ZCWPW1: variants seen among roughly 807,000 people sequenced by gnomAD.
ZCWPW1 encodes zinc finger CW-type PWWP domain protein 1.
In ZCWPW1, 56 loss-of-function variants were observed where a neutral mutation model predicts 81.3. The ratio of observed to expected loss-of-function variants is 0.69; its 90% CI spans 0.56 to 0.86. The LOEUF is 0.86. Among genes scored for constraint, ZCWPW1 ranks in the 40% least tolerant of loss-of-function variants. ZCWPW1 has a pLI of 0.00. For missense variants in ZCWPW1, 650 were observed against 769.8 expected (o/e 0.84, Z 1.84); for synonymous variants, 250 against 273.7 (o/e 0.91, Z 0.86).
In ZCWPW1 at chr7:100,407,275, C is replaced by T; in HGVS notation, c.1021G>A (p.Asp341Asn). Reference protein sequence around the residue: ...WWPGMIESDPDLGEYFLFTSH... With the variant: ...WWPGMIESDPNLGEYFLFTSH... ...GTAAAAAGAAAATATTCCCCTAAGT[C>T]AGGATCAGATTCTATCATGCCTGGC... Residue 341 changes from aspartate to asparagine, a missense_variant, in exon 11 of 18, where the codon GAC becomes AAC. Transcript: ENST00000684423. 6.2e-7 allele frequency: 1 copy of T among 1,613,908 alleles called. No homozygotes were observed. The highest frequency in any genetic ancestry group is 1.1e-5 in the South Asian group (1 of 91,042).
chr7:100,416,657 T>C (rs989935778), intron 6 of ZCWPW1, among the ~76,000 whole-genome samples: 1 of 152,036 alleles, frequency 6.6e-6, no homozygotes, highest in Non-Finnish European at 1.5e-5. Context: ...TATAGAAATA[T>C]GATAAATGGG....
At position 100,419,797 on chromosome 7, in the gene ZCWPW1, C is replaced by G; in HGVS notation, c.115G>C (p.Glu39Gln). The change falls in exon 4 of 18, where the codon GAG (glutamate) becomes CAG (glutamine). Residue 39 changes from glutamate to glutamine, a missense_variant. Coordinates refer to ENST00000684423, the MANE Select transcript of ZCWPW1 (RefSeq NM_001386010.1). ...GGGGAACTGATCCCCGGGGTCTCCT[C>G]CTTAGGGGAGTTAGGGCTACAAGGT... ...LLPCSPNSPK[E>Q]ETPGISSPET... 1.2e-6 allele frequency: 2 copies of G among 1,613,732 alleles called. No individual in the cohort carries two copies. Among genetic ancestry groups the G allele is most frequent in the Non-Finnish European group, 1.7e-6 (2 of 1,179,908 alleles).
chr7:100,420,900 G>C (rs1019495942), intron 2 of ZCWPW1, among the ~76,000 whole-genome samples: 9 of 152,106 alleles, frequency 5.9e-5, no homozygotes, highest in African/African-American at 9.7e-5. Flanking sequence ...CTGTAATCCT[G>C]GCACTTTGGG....
intron 8 of ZCWPW1, among the ~76,000 whole-genome samples, chr7:100,414,822 C>T (rs185299611): frequency 6.6e-6 from 1 of 152,054 alleles, no homozygotes; most frequent in African/African-American, 2.4e-5. Flanking sequence ...GTCAAGAGAT[C>T]GAGACTATCC....
Position 100,401,462 on chromosome 7 carries a change from G to A in ZCWPW1, c.1628-126C>T, listed in dbSNP as rs993429372. ...AAAAGATGACCTTTCTCAATACAAA[G>A]AATATGGACTTTGGGATCAGAAAGA... On this transcript the variant is annotated intron_variant, in intron 17 of 17. Coordinates refer to ENST00000684423, the MANE Select transcript of ZCWPW1 (RefSeq NM_001386010.1). 5 of 905,318 alleles carry A rather than the reference G, an allele frequency of 5.5e-6. No homozygotes were observed. The African/African-American group carries it at 8.4e-5, about 15-fold the overall frequency. 56.1% of individuals were successfully genotyped at this position (905,318 alleles called of 1,614,324 possible). A position where few individuals can be genotyped will look rare whatever the true frequency, so the allele number is the denominator to read the frequency against.
intron 13 of ZCWPW1, 40 bp downstream of exon 13, chr7:100,404,973 A>G (rs1355594340): frequency 1.9e-6 from 3 of 1,580,776 alleles, no homozygotes; most frequent in South Asian, 1.1e-5. Flanking sequence ...CTTGTCCAAG[A>G]GTAGGGAAAG....
chr7:100,402,394 G>A (rs1464808053), intron 16 of ZCWPW1, 122 bp downstream of exon 16: 1 of 1,082,128 alleles, frequency 9.2e-7, no homozygotes, highest in East Asian at 2.4e-5. Context: ...GGTGAGTGTT[G>A]CCTGTTTTCT....
rs1464458468 is a variant in ZCWPW1, at chr7:100,407,269, C to T, written c.1027G>A (p.Gly343Arg). Residue 343 changes from glycine to arginine, a missense_variant, in exon 11 of 18, where the codon GGG (glycine) becomes AGG (arginine). Coordinates refer to ENST00000684423, the MANE Select transcript of ZCWPW1 (RefSeq NM_001386010.1). ...TGGGAAGTAAAAAGAAAATATTCCCCTAAGTCAGGATCAGATTCTATCATG... is the reference window on the plus strand; with the variant it reads ...TGGGAAGTAAAAAGAAAATATTCCCTTAAGTCAGGATCAGATTCTATCATG... ...PGMIESDPDLGEYFLFTSHLD... is the reference protein window; with the variant it reads ...PGMIESDPDLREYFLFTSHLD... The T allele has an allele frequency of 3.1e-6, 5 of 1,613,826 alleles. No individual in the cohort carries two copies. The highest frequency in any genetic ancestry group is 1.3e-5 in the African/African-American group (1 of 74,910).
chr7:100,421,676 T>C (rs576447234), intron 2 of ZCWPW1, among the ~76,000 whole-genome samples: 20 of 152,184 alleles, frequency 1.3e-4, no homozygotes, highest in Non-Finnish European at 2.2e-4. Context: ...CTCACAGATG[T>C]TCCACACGAC....
At chr7:100,401,779 C>A in intron 17 of ZCWPW1, 110 bp downstream of exon 17, 8 of 1,375,966 alleles carry the variant, frequency 5.8e-6, no homozygotes, top group Non-Finnish European at 7.9e-6. Flanking sequence ...AATTTTCATT[C>A]ATTCTGTAAA....
chr7:100,425,251 T>C (rs1797103537), intron 1 of ZCWPW1, 115 bp from the exon 2 acceptor site: 1 of 152,126 alleles, frequency 6.6e-6, no homozygotes, highest in Admixed American at 6.6e-5. Context: ...AGGAATAAAA[T>C]TTGAGGTTTT....
At chr7:100,406,017 A>G (rs1230370885) in intron 12 of ZCWPW1, among the ~76,000 whole-genome samples, 1 of 152,140 alleles carries the variant, frequency 6.6e-6, no homozygotes, top group Non-Finnish European at 1.5e-5. Flanking sequence ...AGGTGATTTC[A>G]CTTTGAAGCT....
chr7:100,419,615 C>G lies in ZCWPW1; in HGVS notation c.282+15G>C, dbSNP rs200510853. ...GAGAAAATCTCCTACCAGAGCCCAC[C>G]ACTATGACTGGTACCTTTTCTTTCT... On this transcript the variant is annotated intron_variant, in intron 4 of 17. Transcript: ENST00000684423. 348 of 1,601,988 alleles carry G rather than the reference C, an allele frequency of 2.2e-4. No homozygotes were observed. The highest frequency in any genetic ancestry group is 2.6e-4 in the Non-Finnish European group (310 of 1,175,526).
chr7:100,415,899 T>C, intron 8 of ZCWPW1, 76 bp downstream of exon 8: 1 of 1,585,454 alleles, frequency 6.3e-7, no homozygotes. Flanking sequence ...GAGGTTCCTC[T>C]AACATCCTAA....
In ZCWPW1 at chr7:100,401,889, C is replaced by G. The variant is rs1459087224; in HGVS notation, c.1627G>C (p.Gly543Arg). ...GTTTTTCCCAGGCCTTGAGCCTTAC[C>G]TGGCTGGTCAGAATCTGAATTCCCT... ...GQGNSDSDQP[G>R]PKKKFKAPQS... The change falls in exon 17 of 18, where the codon GGC becomes CGC. Residue 543 changes from glycine (G) to arginine (R), a missense_variant and splice_region_variant. Physicochemically the swap from Gly to Arg is moderately radical, Grantham distance 125. Coordinates refer to ENST00000684423, the MANE Select transcript of ZCWPW1 (RefSeq NM_001386010.1). The G allele has an allele frequency of 6.2e-7, 1 of 1,610,948 alleles. No homozygotes were observed. Among genetic ancestry groups the G allele is most frequent in the South Asian group, 1.1e-5 (1 of 90,590 alleles).
intron 8 of ZCWPW1, among the ~76,000 whole-genome samples, chr7:100,414,950 G>A (rs1005372415): frequency 1.3e-5 from 2 of 151,170 alleles, no homozygotes; most frequent in Admixed American, 6.6e-5. Context: ...GCTTGAACCC[G>A]GGAGGAGAAG....
In ZCWPW1 at chr7:100,404,161, A is replaced by G; in HGVS notation, c.1321+17T>C. 1 of 1,613,474 alleles carries G rather than the reference A, an allele frequency of 6.2e-7. No individual in the cohort carries two copies. The highest frequency in any genetic ancestry group is 8.5e-7 in the Non-Finnish European group (1 of 1,179,574). Reference sequence around the variant, plus strand: ...CCCTCCCATCCTTCTCCAGTCCTCAACCTCCATTTATCCTACCTTTTCTTT... The same window carrying G: ...CCCTCCCATCCTTCTCCAGTCCTCAGCCTCCATTTATCCTACCTTTTCTTT... On this transcript the variant is annotated intron_variant, in intron 14 of 17. Transcript: ENST00000684423.
At chr7:100,421,452 A>C (rs1039696850) in intron 2 of ZCWPW1, among the ~76,000 whole-genome samples, 3 of 152,178 alleles carry the variant, frequency 2.0e-5, no homozygotes, top group Non-Finnish European at 4.4e-5. Flanking sequence ...TTTTAACATC[A>C]TTATAATGTT....
In ZCWPW1 at chr7:100,419,122, T is replaced by C. The variant is rs1795890684; in HGVS notation, c.350A>G (p.Gln117Arg). The C allele has an allele frequency of 6.2e-7, 1 of 1,613,748 alleles. No homozygotes were observed. The highest frequency in any genetic ancestry group is 8.5e-7 in the Non-Finnish European group (1 of 1,179,828). ...IVQIVLQKSLQECLGMGSGLD... is the reference protein window; with the variant it reads ...IVQIVLQKSLRECLGMGSGLD... ...ACTACATGCCATACCCAAGCACTCC[T>C]GAAGGGACTTCTGCAGAACAATCTG... Residue 117 changes from glutamine (Q) to arginine (R), a missense_variant, in exon 5 of 18, where the codon CAG becomes CGG. Transcript: ENST00000684423.
Sources: allele counts gnomAD v4.1 joint callset (sites outside exome capture counted in the v4.1 genomes callset), GRCh38; gene constraint gnomAD v4.1.1; transcripts MANE v1.5; gene names NCBI Gene and HGNC (gene_info 2026-07-23, HGNC 2026-07-21).